Variants in VEPH1 observed in about 807,000 individuals in gnomAD.
The protein encoded by VEPH1 is ventricular zone-expressed PH domain-containing protein homolog 1.
A neutral mutation model predicts 85.2 loss-of-function variants in VEPH1; 80 were observed. The ratio of observed to expected loss-of-function variants is 0.94; its 90% CI spans 0.78 to 1.13. The LOEUF is 1.13. Among genes scored for constraint, VEPH1 ranks in the 50% most tolerant of loss-of-function variants. The probability of loss-of-function intolerance (pLI) is 0.00; values close to 1 mark genes in which losing one functional copy is unlikely to be tolerated. For missense variants in VEPH1, 955 were observed against 980.5 expected, an observed-to-expected ratio of 0.97 and a Z score of 0.35; for synonymous variants, 297 against 348.0, an observed-to-expected ratio of 0.85 and a Z score of 1.63.
At chr3:157,310,363 T>C (rs969672555) in intron 11 of VEPH1, among the ~76,000 whole-genome samples, 5 of 152,182 alleles carry the variant, frequency 3.3e-5, no homozygotes, top group Admixed American at 2.0e-4. Flanking sequence ...GAGAGCTCTG[T>C]ATTAACTCAT....
chr3:157,492,204 A>T (rs1368237548), intron 2 of VEPH1, among the ~76,000 whole-genome samples: 1 of 152,186 alleles, frequency 6.6e-6, no homozygotes. Context: ...TGTGATTGTC[A>T]TGGAGGAGGA....
chr3:157,487,107 C>G (rs190682879), intron 2 of VEPH1, among the ~76,000 whole-genome samples: 2 of 150,710 alleles, frequency 1.3e-5, no homozygotes, highest in Admixed American at 1.3e-4. Flanking sequence ...ATTGAGGAGA[C>G]TAAAAAAAAG....
chr3:157,323,713 T>G (rs764857601), intron 9 of VEPH1, among the ~76,000 whole-genome samples: 27 of 152,178 alleles, frequency 1.8e-4, no homozygotes, highest in African/African-American at 4.3e-4. Flanking sequence ...AGTGATTACT[T>G]TAATAACACA....
chr3:157,361,455 AG>A (rs1726040187), intron 9 of VEPH1, among the ~76,000 whole-genome samples: 1 of 152,238 alleles, frequency 6.6e-6, no homozygotes, highest in African/African-American at 2.4e-5. Flanking sequence ...GGGCTCTTCT[AG>A]TACCTAAACC....
intron 12 of VEPH1, among the ~76,000 whole-genome samples, chr3:157,269,033 T>C (rs1269471139): frequency 3.9e-5 from 6 of 152,258 alleles, no homozygotes; most frequent in Admixed American, 3.9e-4. Context: ...TTTTCCTGTC[T>C]CAGTCTTTCA....
In VEPH1 at chr3:157,324,272, G is replaced by A. The variant is rs1393717605; in HGVS notation, c.1736-7071C>T. Among the ~76,000 whole-genome samples the A allele has an allele frequency of 2.6e-5, 4 of 152,100 alleles. No individual in the cohort carries two copies. The East Asian group carries it at 7.7e-4, about 29-fold the overall frequency. Reference sequence around the variant, plus strand: ...GGGGTTTCACCATGTTGGCCAGGCTGGTCTTGAACTCCTGACCTCAGGTGA... The same window carrying A: ...GGGGTTTCACCATGTTGGCCAGGCTAGTCTTGAACTCCTGACCTCAGGTGA... On this transcript the variant is annotated intron_variant, in intron 9 of 13. Transcript: ENST00000362010.
At chr3:157,368,203 C>G (rs1445372283) in intron 7 of VEPH1, among the ~76,000 whole-genome samples, 1 of 152,150 alleles carries the variant, frequency 6.6e-6, no homozygotes, top group African/African-American at 2.4e-5. Flanking sequence ...TACTGTCAGG[C>G]TGTAGGAGGG....
At chr3:157,361,197 C>G (rs952959555) in intron 9 of VEPH1, among the ~76,000 whole-genome samples, 7 of 152,290 alleles carry the variant, frequency 4.6e-5, no homozygotes, top group South Asian at 4.1e-4. Context: ...GTATACTTAT[C>G]TAATACTTAT....
In VEPH1 at chr3:157,387,863, T is replaced by A. The variant is rs77647366; in HGVS notation, c.907-6487A>T. On this transcript the variant is annotated intron_variant, in intron 6 of 13. Transcript: ENST00000362010. ...TTTTAAACCCCTTGGATGATTCAGATGTGCAGCCAAAGGAGAATCACTGGT... is the reference window on the plus strand; with the variant it reads ...TTTTAAACCCCTTGGATGATTCAGAAGTGCAGCCAAAGGAGAATCACTGGT... 5.2e-3 allele frequency among the ~76,000 whole-genome samples: 799 copies of A among 152,322 alleles called. 7 individuals carry two copies. Among genetic ancestry groups the A allele is most frequent in the African/African-American group, 0.018 (745 of 41,566 alleles).
intron 6 of VEPH1, among the ~76,000 whole-genome samples, chr3:157,396,531 T>A (rs539156086): frequency 5.9e-5 from 9 of 152,340 alleles, no homozygotes; most frequent in Admixed American, 3.9e-4. Flanking sequence ...GCTTCTACAA[T>A]GGGTAAACTA....
chr3:157,473,983 C>G lies in VEPH1; in HGVS notation c.139-3454G>C, dbSNP rs146255416. On this transcript the variant is annotated intron_variant, in intron 2 of 13. Coordinates refer to ENST00000362010, the MANE Select transcript of VEPH1 (RefSeq NM_001167912.2). ...ATTCCTGGAACATGTTGTACTGGAT[C>G]TTGGGAAATAATTTTTTAAGGTGCT... 5.6e-3 allele frequency among the ~76,000 whole-genome samples: 849 copies of G among 152,148 alleles called. 4 individuals carry two copies. The highest frequency in any genetic ancestry group is 0.019 in the African/African-American group (790 of 41,550).
intron 2 of VEPH1, among the ~76,000 whole-genome samples, chr3:157,483,869 C>T (rs1031017289): frequency 1.3e-5 from 2 of 151,950 alleles, no homozygotes; most frequent in African/African-American, 4.8e-5. Context: ...GGATGCACAA[C>T]TGAGTGAATA....
chr3:157,331,691 G>A (rs1722523292), intron 9 of VEPH1, among the ~76,000 whole-genome samples: 1 of 152,190 alleles, frequency 6.6e-6, no homozygotes, highest in Non-Finnish European at 1.5e-5. Context: ...CATGGTTTGT[G>A]TATGTTCAAT....
intron 7 of VEPH1, among the ~76,000 whole-genome samples, chr3:157,379,565 A>G (rs1728527361): frequency 6.6e-6 from 1 of 152,046 alleles, no homozygotes; most frequent in East Asian, 1.9e-4. Context: ...ATAGTACCTT[A>G]TATCTCTTAG....
chr3:157,492,914 A>G (rs973207), intron 2 of VEPH1, among the ~76,000 whole-genome samples: 101,044 of 151,996 alleles, frequency 0.66, 34,390 homozygotes, highest in African/African-American at 0.81. Context: ...AATGATAGAG[A>G]GGGAGGAAGT....
At chr3:157,417,135 A>G (rs1731984274) in intron 5 of VEPH1, among the ~76,000 whole-genome samples, 1 of 152,122 alleles carries the variant, frequency 6.6e-6, no homozygotes, top group Non-Finnish European at 1.5e-5. Context: ...AAACACAGGT[A>G]TTTCTTGAAA....
chr3:157,378,726 C>T (rs1029281874), intron 7 of VEPH1, among the ~76,000 whole-genome samples: 2 of 152,148 alleles, frequency 1.3e-5, no homozygotes, highest in Non-Finnish European at 2.9e-5. Context: ...ATTACATTCT[C>T]TGTGTGTAGG....
intron 9 of VEPH1, among the ~76,000 whole-genome samples, chr3:157,321,905 T>A (rs1721394292): frequency 1.3e-5 from 2 of 152,216 alleles, no homozygotes; most frequent in South Asian, 4.1e-4. Flanking sequence ...TGTGGTAAAT[T>A]ATATAAAACA....
rs1577708690 is a variant in VEPH1, at chr3:157,460,050, G to C, written c.529+131C>G. On this transcript the variant is annotated intron_variant, in intron 4 of 13. Transcript: ENST00000362010. ...CCTTTTGCATGTTCACAGGTCAACT[G>C]GCAGCAAAACAGAGAAATTAATTTG... 6 of 1,590,066 alleles carry C rather than the reference G, an allele frequency of 3.8e-6. No individual in the cohort carries two copies. In the East Asian group the frequency reaches 1.3e-4, roughly 36 times the overall value.
Sources: gnomAD v4.1 joint callset for allele counts (sites outside exome capture counted in the v4.1 genomes callset) on GRCh38, gnomAD v4.1.1 for gene constraint, MANE v1.5 for transcripts, NCBI Gene and HGNC (gene_info 2026-07-23, HGNC 2026-07-21) for gene names.